Variants in LRRTM4 observed in about 807,000 individuals in gnomAD.
The protein encoded by LRRTM4 is leucine-rich repeat transmembrane neuronal protein 4.
A neutral mutation model predicts 47.6 loss-of-function variants in LRRTM4; 25 were observed. The observed-to-expected ratio is 0.53, with a 90% CI of 0.38 to 0.73. The LOEUF (loss-of-function observed/expected upper bound fraction) is 0.73. LRRTM4 is among the 30% of genes least tolerant of loss of function. The pLI is 0.00. For missense variants in LRRTM4, 638 were observed against 713.4 expected, an observed-to-expected ratio of 0.89 and a Z score of 1.20; for synonymous variants, 311 against 269.5, an observed-to-expected ratio of 1.15 and a Z score of -1.51.
At chr2:77,131,633 A>T (rs548815472) in intron 3 of LRRTM4, among the ~76,000 whole-genome samples, 1 of 152,238 alleles carries the variant, frequency 6.6e-6, no homozygotes, top group African/African-American at 2.4e-5. Context: ...CATTTTGTCA[A>T]AGATAAGGCT....
chr2:77,199,949 CTT>C, intron 3 of LRRTM4, among the ~76,000 whole-genome samples: 1 of 152,004 alleles, frequency 6.6e-6, no homozygotes, highest in East Asian at 1.9e-4. Flanking sequence ...CTTTTGCTAA[CTT>C]TTGTTTCAAC....
intron 3 of LRRTM4, among the ~76,000 whole-genome samples, chr2:77,447,631 AT>A (rs1676104954): frequency 6.6e-6 from 1 of 152,096 alleles, no homozygotes; most frequent in African/African-American, 2.4e-5. Flanking sequence ...GTATTTCTAT[AT>A]TTTTAACCAT....
chr2:76,813,512 CTTTCTG>C (rs1436342802), intron 3 of LRRTM4, among the ~76,000 whole-genome samples: 12 of 152,144 alleles, frequency 7.9e-5, no homozygotes, highest in Non-Finnish European at 1.0e-4. Context: ...ATGTGATATT[CTTTCTG>C]TTTCTATTTC....
At chr2:77,008,851 C>T (rs1180945950) in intron 3 of LRRTM4, among the ~76,000 whole-genome samples, 1 of 151,318 alleles carries the variant, frequency 6.6e-6, no homozygotes, top group East Asian at 2.0e-4. Flanking sequence ...GTAGGATTCA[C>T]TGTTTCTGAC....
At chr2:76,979,761 G>A (rs80124776) in intron 3 of LRRTM4, among the ~76,000 whole-genome samples, 5,691 of 147,786 alleles carry the variant, frequency 0.039, 244 homozygotes, top group East Asian at 0.14. Context: ...ACTTGAAGAT[G>A]TGAGTATTTG....
chr2:76,952,330 G>A (rs758945545), intron 3 of LRRTM4, among the ~76,000 whole-genome samples: 14 of 151,826 alleles, frequency 9.2e-5, no homozygotes, highest in Non-Finnish European at 1.8e-4. Context: ...GAACCTATGA[G>A]GAACTTAAAC....
At chr2:77,316,380 A>G (rs1319820928) in intron 3 of LRRTM4, among the ~76,000 whole-genome samples, 1 of 152,218 alleles carries the variant, frequency 6.6e-6, no homozygotes, top group East Asian at 1.9e-4. Context: ...AAAATGTTCT[A>G]TGTCAACTGT....
At chr2:76,805,595 AATT>A (rs1558665938) in intron 3 of LRRTM4, among the ~76,000 whole-genome samples, 1 of 152,220 alleles carries the variant, frequency 6.6e-6, no homozygotes, top group Non-Finnish European at 1.5e-5. Context: ...GCATATACTT[AATT>A]GAGTGTTCAT....
intron 3 of LRRTM4, among the ~76,000 whole-genome samples, chr2:76,855,183 A>G (rs1672111996): frequency 6.6e-6 from 1 of 152,218 alleles, no homozygotes; most frequent in Non-Finnish European, 1.5e-5. Flanking sequence ...CGTTAGCAAG[A>G]AAAAGGAGGA....
At chr2:77,037,987 G>C (rs138829131) in intron 3 of LRRTM4, among the ~76,000 whole-genome samples, 26 of 151,752 alleles carry the variant, frequency 1.7e-4, no homozygotes, top group African/African-American at 6.0e-4. Flanking sequence ...ACACTTTGCT[G>C]AAGTTACACA....
chr2:77,447,437 A>G (rs1201170432), intron 3 of LRRTM4, among the ~76,000 whole-genome samples: 2 of 152,146 alleles, frequency 1.3e-5, no homozygotes, highest in Non-Finnish European at 2.9e-5. Context: ...AGAGCTTGGT[A>G]GGAAACACTG....
chr2:77,002,326 A>G lies in LRRTM4; in HGVS notation c.1552-253410T>C, dbSNP rs958050964. 2.6e-5 allele frequency among the ~76,000 whole-genome samples: 4 copies of G among 152,256 alleles called. No homozygotes were observed. The South Asian group carries it at 8.3e-4, about 32-fold the overall frequency. Reference sequence around the variant, plus strand: ...CCAGATTTCTAAAAGAGAAGCTGGAAAAATCATGTGTTAATGAGAGTCATG... The same window carrying G: ...CCAGATTTCTAAAAGAGAAGCTGGAGAAATCATGTGTTAATGAGAGTCATG... On this transcript the variant is annotated intron_variant, in intron 3 of 3. Transcript: ENST00000409884.
intron 3 of LRRTM4, among the ~76,000 whole-genome samples, chr2:77,485,847 C>T (rs1205214122): frequency 2.6e-5 from 4 of 152,178 alleles, no homozygotes; most frequent in Non-Finnish European, 4.4e-5. Flanking sequence ...CCTCCCATCT[C>T]AGCCTCCCAA....
chr2:76,844,094 G>T (rs1412363257), intron 3 of LRRTM4, among the ~76,000 whole-genome samples: 2 of 150,540 alleles, frequency 1.3e-5, no homozygotes, highest in Non-Finnish European at 3.0e-5. Flanking sequence ...ATAGAGATGG[G>T]GTTTCACCAT....
intron 3 of LRRTM4, among the ~76,000 whole-genome samples, chr2:76,952,161 G>A (rs1002743621): frequency 6.6e-6 from 1 of 151,896 alleles, no homozygotes; most frequent in Non-Finnish European, 1.5e-5. Context: ...AGTCTTTAGG[G>A]TTTTCTAGGT....
At chr2:77,150,835 A>T (rs138588196) in intron 3 of LRRTM4, among the ~76,000 whole-genome samples, 4 of 152,282 alleles carry the variant, frequency 2.6e-5, no homozygotes, top group East Asian at 3.9e-4. Flanking sequence ...CCCTACCATT[A>T]TCAATTCTCA....
intron 3 of LRRTM4, among the ~76,000 whole-genome samples, chr2:77,131,555 A>G (rs1402943467): frequency 6.6e-6 from 1 of 152,220 alleles, no homozygotes; most frequent in African/African-American, 2.4e-5. Flanking sequence ...TTATCAGAAC[A>G]CAATTACAAG....
At chr2:76,799,317 A>G (rs1395417491) in intron 3 of LRRTM4, among the ~76,000 whole-genome samples, 2 of 109,910 alleles carry the variant, frequency 1.8e-5, no homozygotes, top group Non-Finnish European at 3.4e-5. Context: ...CAATAAATGT[A>G]ATCCAGCATA....
intron 3 of LRRTM4, among the ~76,000 whole-genome samples, chr2:77,022,951 C>T (rs531493318): frequency 6.6e-6 from 1 of 152,232 alleles, no homozygotes; most frequent in Non-Finnish European, 1.5e-5. Flanking sequence ...AGGGCTCCAA[C>T]CCCACATTTC....
Sources: allele counts gnomAD v4.1 joint callset (sites outside exome capture counted in the v4.1 genomes callset), GRCh38; gene constraint gnomAD v4.1.1; transcripts MANE v1.5; gene names NCBI Gene and HGNC (gene_info 2026-07-23, HGNC 2026-07-21).